TJP1: variants seen among roughly 807,000 people sequenced by gnomAD.
TJP1 encodes tight junction protein 1.
Under a neutral mutation model 194.2 loss-of-function variants are expected in TJP1, and 43 were observed. That is an observed-to-expected ratio of 0.22 (90% CI 0.17 to 0.29). The LOEUF (loss-of-function observed/expected upper bound fraction) is 0.29, where lower values mean the gene tolerates loss of function less well. TJP1 is among the 10% of genes least tolerant of loss of function. The pLI, the probability that TJP1 is intolerant of heterozygous loss-of-function variation, is 1.00. For synonymous variants in TJP1, 801 were observed against 779.0 expected, an observed-to-expected ratio of 1.03 and a Z score of -0.47; for missense variants, 1,971 against 2,185.7, an observed-to-expected ratio of 0.90 and a Z score of 1.96.
intron 8 of TJP1, chr15:29,743,016 T>C (rs1437468207): frequency 3.2e-6 from 1 of 316,528 alleles, no homozygotes; most frequent in African/African-American, 2.1e-5. Context: ...TAGCAAAATT[T>C]ATCATGAAAG....
intron 10 of TJP1, among the ~76,000 whole-genome samples, chr15:29,738,227 A>G (rs1167928318): frequency 2.0e-5 from 3 of 152,192 alleles, no homozygotes; most frequent in Admixed American, 6.5e-5. Flanking sequence ...CTAGGGATTC[A>G]TAAGTACTCT....
chr15:29,899,207 C>T (rs1182718771), intron 2 of TJP1, among the ~76,000 whole-genome samples: 1 of 152,180 alleles, frequency 6.6e-6, no homozygotes, highest in Non-Finnish European at 1.5e-5. Context: ...AGCCATGATC[C>T]TCCCAACTGT....
intron 15 of TJP1, chr15:29,730,563 C>A: frequency 2.0e-6 from 1 of 490,648 alleles, no homozygotes; most frequent in Non-Finnish European, 3.9e-6. Flanking sequence ...AACCACTGCA[C>A]TCCTGCCTGG....
chr15:29,810,446 G>A (rs1330332621), intron 1 of TJP1, among the ~76,000 whole-genome samples: 1 of 152,160 alleles, frequency 6.6e-6, no homozygotes, highest in Non-Finnish European at 1.5e-5. Context: ...GTATTTCCAT[G>A]AGCTGGCTAT....
intron 23 of TJP1, among the ~76,000 whole-genome samples, chr15:29,714,289 A>G (rs1470447040): frequency 6.6e-6 from 1 of 151,762 alleles, no homozygotes; most frequent in African/African-American, 2.4e-5. Flanking sequence ...CCCAGACTGG[A>G]GTGCAGTGGC....
chr15:29,727,794 T>G, intron 16 of TJP1, 143 bp downstream of exon 16: 1 of 634,862 alleles, frequency 1.6e-6, no homozygotes, highest in Non-Finnish European at 2.8e-6. Flanking sequence ...ATCATTATAA[T>G]GCTTTTCAGT....
At chr15:29,769,101 A>C (rs2046496735) in intron 4 of TJP1, among the ~76,000 whole-genome samples, 1 of 152,226 alleles carries the variant, frequency 6.6e-6, no homozygotes, top group African/African-American at 2.4e-5. Context: ...TCACAAAAGC[A>C]AAGAGGATAA....
In TJP1 at chr15:29,752,069, C is replaced by T. The variant is rs893825671; in HGVS notation, c.1010+9070G>A. Among the ~76,000 whole-genome samples, 13 of 151,818 alleles carry T rather than the reference C, an allele frequency of 8.6e-5. No individual in the cohort carries two copies. The East Asian group carries it at 2.1e-3, about 25-fold the overall frequency. On this transcript the variant is annotated intron_variant, in intron 8 of 27. Coordinates refer to ENST00000614355, the MANE Select transcript of TJP1 (RefSeq NM_001330239.4). ...TCAGCCTCCTGAGTACCCAGGATCA[C>T]AGATGTGCACCACCACGCCCGGCTA...
intron 23 of TJP1, among the ~76,000 whole-genome samples, chr15:29,715,511 T>C (rs937588269): frequency 2.6e-5 from 4 of 152,228 alleles, no homozygotes; most frequent in Admixed American, 2.0e-4. Flanking sequence ...TTACACTCAA[T>C]AGTAAATGAC....
chr15:29,823,111 A>G (rs1201905415), upstream of TJP1: 3 of 152,258 alleles, frequency 2.0e-5, no homozygotes, highest in East Asian at 5.8e-4. Context: ...CACACCCCAC[A>G]TTAGACCTCA....
Position 29,864,237 on chromosome 15 carries a change from C to CAAAAAAAAAAAAA in TJP1, c.307-63548_307-63536dup, listed in dbSNP as rs397975539. Among the ~76,000 whole-genome samples, 76 of 18,946 alleles carry CAAAAAAAAAAAAA rather than the reference C, an allele frequency of 4.0e-3. 12 individuals carry two copies. Among genetic ancestry groups the CAAAAAAAAAAAAA allele is most frequent in the African/African-American group, 6.3e-3 (42 of 6,664 alleles). 12.4% of individuals were successfully genotyped at this position (18,946 alleles called of 152,430 possible). ...TGAAACCCCGTCTCTACTAAAAATA[C>CAAAAAAAAAAAAA]AAAAAAAAAAAAAAAAAAAAAAAAA... On this transcript the variant is annotated intron_variant, in intron 2 of 28. Transcript: ENST00000356107.
At position 29,774,807 on chromosome 15, in the gene TJP1, G is replaced by C. The variant is rs572666997; in HGVS notation, c.85-1450C>G. On this transcript the variant is annotated intron_variant, in intron 2 of 27. Transcript: ENST00000614355. ...TATGAAAAAAGAAAATAATAAAACA[G>C]GGAAATTTCTGAGTAACTGAAGATA... Among the ~76,000 whole-genome samples, 175 of 151,998 alleles carry C rather than the reference G, an allele frequency of 1.2e-3. 1 individual carries two copies. The highest frequency in any genetic ancestry group is 3.7e-3 in the South Asian group (18 of 4,810).
intron 2 of TJP1, among the ~76,000 whole-genome samples, chr15:29,846,568 GGTC>G (rs2051418490): frequency 6.6e-6 from 1 of 152,202 alleles, no homozygotes; most frequent in African/African-American, 2.4e-5. Context: ...AGGTTAGGGA[GGTC>G]CAGGTAAATT....
chr15:29,913,754 G>A lies in TJP1; in HGVS notation c.306+42478C>T, dbSNP rs375570652. 8.5e-5 allele frequency among the ~76,000 whole-genome samples: 13 copies of A among 152,202 alleles called. No homozygotes were observed. The South Asian group carries it at 2.7e-3, about 32-fold the overall frequency. On this transcript the variant is annotated intron_variant, in intron 2 of 28. Transcript: ENST00000356107. ...GTGTTGAGGGAGAGGAAGGGAGAGG[G>A]AGGAAAAGGGGTATCATTACACTAA...
chr15:29,789,162 A>G (rs1426964193), intron 2 of TJP1, among the ~76,000 whole-genome samples: 1 of 152,110 alleles, frequency 6.6e-6, no homozygotes, highest in Non-Finnish European at 1.5e-5. Flanking sequence ...AAAAATTTAA[A>G]TTTACATATG....
At chr15:29,763,461 T>C (rs1338105203) in intron 5 of TJP1, among the ~76,000 whole-genome samples, 2 of 152,160 alleles carry the variant, frequency 1.3e-5, no homozygotes, top group African/African-American at 4.8e-5. Flanking sequence ...ACCTATTACC[T>C]AAGTGTTTAA....
chr15:29,956,131 G>T, intron 2 of TJP1: 2 of 1,016,874 alleles, frequency 2.0e-6, no homozygotes, highest in Non-Finnish European at 2.4e-6. Flanking sequence ...ATTAAAAAAT[G>T]CCTGCCACAA....
chr15:29,831,006 A>C (rs1033713458), intron 2 of TJP1, among the ~76,000 whole-genome samples: 2 of 152,136 alleles, frequency 1.3e-5, no homozygotes, highest in African/African-American at 4.8e-5. Context: ...TGACTGAAAA[A>C]CCCTGAATAT....
At chr15:29,787,261 T>C (rs45571433) in intron 2 of TJP1, among the ~76,000 whole-genome samples, 106 of 152,252 alleles carry the variant, frequency 7.0e-4, no homozygotes, top group African/African-American at 2.4e-3. Flanking sequence ...AATAATGAAT[T>C]TGGACCCCTA....
Sources: gnomAD v4.1 joint callset for allele counts (sites outside exome capture counted in the v4.1 genomes callset) on GRCh38, gnomAD v4.1.1 for gene constraint, MANE v1.5 for transcripts, NCBI Gene and HGNC (gene_info 2026-07-23, HGNC 2026-07-21) for gene names.